ELMOD1: variants seen among roughly 807,000 people sequenced by gnomAD.
ELMOD1 encodes the protein ELMO domain containing 1, also known as ELMO domain-containing protein 1.
A neutral mutation model predicts 46.7 loss-of-function variants in ELMOD1; 21 were observed. That is an observed-to-expected ratio of 0.45 (90% CI 0.32 to 0.65). The LOEUF is 0.65. Ranked by LOEUF, ELMOD1 falls within the 30% of genes least tolerant of loss-of-function variation. The probability of loss-of-function intolerance (pLI) is 0.04; values close to 1 mark genes in which losing one functional copy is unlikely to be tolerated. For missense variants in ELMOD1, 348 were observed against 407.8 expected (o/e 0.85, Z 1.26); for synonymous variants, 122 against 138.2 (o/e 0.88, Z 0.82).
intron 11 of ELMOD1, 59 bp downstream of exon 11, chr11:107,656,125 C>T (rs1041937528): frequency 2.0e-6 from 3 of 1,521,552 alleles, no homozygotes; most frequent in Middle Eastern, 4.3e-4. Flanking sequence ...CGGTGGCTCA[C>T]CCCTGTAATC....
chr11:107,654,540 C>T lies in ELMOD1; in HGVS notation c.698+318C>T, dbSNP rs12225039. ...ATCCCAGCACTTTGGGAGGCCGAGG[C>T]GGGCGGATCACGAGGTCAGGAGATC... is the stretch of plus-strand genomic sequence containing the variant. On this transcript the variant is annotated intron_variant, in intron 10 of 11. Transcript: ENST00000265840. Among the ~76,000 whole-genome samples, 10 of 152,098 alleles carry T rather than the reference C, an allele frequency of 6.6e-5. No homozygotes were observed. The East Asian group carries it at 1.7e-3, about 26-fold the overall frequency.
chr11:107,644,112 AAAAAT>A (rs995733524), intron 6 of ELMOD1, among the ~76,000 whole-genome samples: 17 of 152,036 alleles, frequency 1.1e-4, no homozygotes, highest in African/African-American at 3.1e-4. Context: ...GTCTCTACTA[AAAAAT>A]AAAATAAAAT....
At chr11:107,601,579 C>A (rs1264204074) in intron 1 of ELMOD1, among the ~76,000 whole-genome samples, 1 of 151,602 alleles carries the variant, frequency 6.6e-6, no homozygotes, top group Non-Finnish European at 1.5e-5. Flanking sequence ...CCATGCCTGG[C>A]TAATTTTTGT....
chr11:107,630,603 T>TA (rs1331828258), intron 3 of ELMOD1, 41 bp downstream of exon 3: 6 of 1,605,826 alleles, frequency 3.7e-6, no homozygotes, highest in Non-Finnish European at 5.1e-6. Context: ...GTAGAGTTGG[T>TA]ATGATGGAAG....
At chr11:107,607,971 G>A (rs1360346690) in intron 1 of ELMOD1, among the ~76,000 whole-genome samples, 1 of 128,816 alleles carries the variant, frequency 7.8e-6, no homozygotes, top group African/African-American at 2.9e-5. Context: ...CAACCTTATT[G>A]TTAAATGGAA....
At chr11:107,597,003 G>A (rs978706282) in intron 1 of ELMOD1, among the ~76,000 whole-genome samples, 1 of 152,154 alleles carries the variant, frequency 6.6e-6, no homozygotes, top group African/African-American at 2.4e-5. Context: ...ATGAGATCTG[G>A]AATGTAGTGT....
intron 6 of ELMOD1, among the ~76,000 whole-genome samples, chr11:107,644,097 A>G (rs1866374383): frequency 2.0e-5 from 3 of 152,090 alleles, no homozygotes; most frequent in Admixed American, 2.0e-4. Flanking sequence ...ACATGGCGAA[A>G]CCCTGTCTCT....
At chr11:107,624,522 G>A (rs61906388) in intron 2 of ELMOD1, among the ~76,000 whole-genome samples, 3,744 of 152,172 alleles carry the variant, frequency 0.025, 73 homozygotes, top group Non-Finnish European at 0.038. Context: ...ATTGTGGCGC[G>A]TACCTGTAGT....
intron 1 of ELMOD1, among the ~76,000 whole-genome samples, chr11:107,593,789 C>T (rs1591093425): frequency 6.6e-6 from 1 of 152,170 alleles, no homozygotes. Context: ...AATTCAGTTT[C>T]GACTGGGCAG....
intron 11 of ELMOD1, among the ~76,000 whole-genome samples, chr11:107,662,348 C>T (rs886767531): frequency 3.9e-5 from 6 of 152,164 alleles, no homozygotes; most frequent in African/African-American, 1.4e-4. Context: ...CAGTGGCTCA[C>T]GCCTGTAATC....
chr11:107,591,897 G>T (rs775351664), intron 1 of ELMOD1: 1 of 494,340 alleles, frequency 2.0e-6, no homozygotes, highest in Non-Finnish European at 4.2e-6. Flanking sequence ...GGGGTCCTCC[G>T]CGCAGCGAGC....
chr11:107,635,482 A>G (rs1026316401), intron 5 of ELMOD1, among the ~76,000 whole-genome samples, 154 bp from the exon 6 acceptor site: 4 of 152,182 alleles, frequency 2.6e-5, no homozygotes, highest in African/African-American at 9.7e-5. Context: ...AGATTTAATA[A>G]GAATTGTGCT....
intron 11 of ELMOD1, among the ~76,000 whole-genome samples, chr11:107,656,367 AAC>A (rs1866631484): frequency 6.6e-6 from 1 of 150,652 alleles, no homozygotes; most frequent in Non-Finnish European, 1.5e-5. Flanking sequence ...CAGCCTGGAC[AAC>A]AGAGTGAGAC....
intron 6 of ELMOD1, 147 bp from the exon 7 acceptor site, chr11:107,647,321 T>A: frequency 1.7e-6 from 1 of 574,328 alleles, no homozygotes; most frequent in Non-Finnish European, 2.8e-6. Flanking sequence ...TTTCTCTCTT[T>A]CATTGTCATA....
At chr11:107,643,559 A>G (rs2135702118) in intron 6 of ELMOD1, 3 of 515,796 alleles carry the variant, frequency 5.8e-6, no homozygotes. Context: ...TTTATGAGCC[A>G]CACAAAGAAA....
chr11:107,617,153 G>T (rs755193884), intron 1 of ELMOD1, among the ~76,000 whole-genome samples: 1 of 152,018 alleles, frequency 6.6e-6, no homozygotes, highest in Non-Finnish European at 1.5e-5. Context: ...TCTTAAATTG[G>T]TGTATAGACA....
chr11:107,609,976 A>G (rs1037597817), intron 1 of ELMOD1, among the ~76,000 whole-genome samples: 25 of 152,190 alleles, frequency 1.6e-4, no homozygotes, highest in African/African-American at 5.8e-4. Flanking sequence ...TTGTTTTATT[A>G]GTACTGTGAT....
chr11:107,627,513 CT>C (rs1189176150), intron 2 of ELMOD1, among the ~76,000 whole-genome samples: 1 of 152,056 alleles, frequency 6.6e-6, no homozygotes, highest in Non-Finnish European at 1.5e-5. Context: ...TCTTTTCTTC[CT>C]TTTGATGTAA....
chr11:107,646,109 A>G (rs1866422300), intron 6 of ELMOD1, among the ~76,000 whole-genome samples: 1 of 152,244 alleles, frequency 6.6e-6, no homozygotes, highest in Admixed American at 6.5e-5. Flanking sequence ...ACTTGTTTAC[A>G]TGCCCATCTC....
Sources: gnomAD v4.1 joint callset for allele counts (sites outside exome capture counted in the v4.1 genomes callset) on GRCh38, gnomAD v4.1.1 for gene constraint, MANE v1.5 for transcripts, NCBI Gene and HGNC (gene_info 2026-07-23, HGNC 2026-07-21) for gene names.